Variants in RANBP2 observed in about 807,000 individuals in gnomAD.
The protein encoded by RANBP2 is E3 SUMO-protein ligase RanBP2.
A neutral mutation model predicts 303.6 loss-of-function variants in RANBP2; 57 were observed. The ratio of observed to expected loss-of-function variants is 0.19; its 90% CI spans 0.15 to 0.23. The LOEUF is 0.23. RANBP2 is among the 10% of genes least tolerant of loss of function. The probability of loss-of-function intolerance (pLI) is 1.00; values close to 1 mark genes in which losing one functional copy is unlikely to be tolerated. For synonymous variants in RANBP2, 1,167 were observed against 1,301.5 expected (o/e 0.90, Z 2.23); for missense variants, 3,138 against 3,780.8 (o/e 0.83, Z 4.46).
At chr2:109,614,783 G>C in the RANBP2 span, 1 of 1,477,052 alleles carries the variant, frequency 6.8e-7, no homozygotes, top group Admixed American at 2.3e-5. Flanking sequence ...CGCGAATCCA[G>C]GTGACCGCCG....
At chr2:109,346,198 C>T in the RANBP2 span, among the ~76,000 whole-genome samples, 12 of 151,696 alleles carry the variant, frequency 7.9e-5, no homozygotes, top group East Asian at 1.9e-4. Context: ...TTTTTCTCTT[C>T]GAGTTCTGCA....
At chr2:109,202,106 C>T in the RANBP2 span, among the ~76,000 whole-genome samples, 2 of 152,214 alleles carry the variant, frequency 1.3e-5, no homozygotes, top group African/African-American at 2.4e-5. Flanking sequence ...GAGGCGATCT[C>T]GGCCACTTTC....
At chr2:109,240,439 G>T in the RANBP2 span, among the ~76,000 whole-genome samples, 1 of 152,124 alleles carries the variant, frequency 6.6e-6, no homozygotes, top group Non-Finnish European at 1.5e-5. Context: ...AGTGAGCCAA[G>T]ATCGCACCTC....
the RANBP2 span, among the ~76,000 whole-genome samples, chr2:109,296,284 A>G: frequency 2.0e-5 from 3 of 151,954 alleles, no homozygotes; most frequent in Admixed American, 6.6e-5. Context: ...CTGGAGTGCA[A>G]TGGTGCTATC....
the RANBP2 span, among the ~76,000 whole-genome samples, chr2:109,624,818 C>A: frequency 6.6e-6 from 1 of 152,114 alleles, no homozygotes; most frequent in African/African-American, 2.4e-5. Flanking sequence ...TGGTGGCTCA[C>A]TCCTGTAATC....
At chr2:109,362,323 A>G in the RANBP2 span, among the ~76,000 whole-genome samples, 1,864 of 152,272 alleles carry the variant, frequency 0.012, 39 homozygotes, top group African/African-American at 0.037. Flanking sequence ...TCTAAGACCC[A>G]AGTGTTACTT....
chr2:109,568,650 G>A, the RANBP2 span, among the ~76,000 whole-genome samples: 12 of 139,034 alleles, frequency 8.6e-5, no homozygotes, highest in Admixed American at 7.8e-4. Flanking sequence ...AGTAAAATGT[G>A]ATAAAAGGTA....
chr2:109,516,048 C>T, the RANBP2 span, among the ~76,000 whole-genome samples: 1 of 152,182 alleles, frequency 6.6e-6, no homozygotes, highest in African/African-American at 2.4e-5. Context: ...TAATGCTTAG[C>T]ACTCAGCTCC....
chr2:109,275,729 A>G, the RANBP2 span, among the ~76,000 whole-genome samples: 1 of 152,054 alleles, frequency 6.6e-6, no homozygotes, highest in East Asian at 1.9e-4. Flanking sequence ...TTTGCCGGGT[A>G]CCCTTCCTCT....
At chr2:109,526,038 G>A in the RANBP2 span, among the ~76,000 whole-genome samples, 2 of 152,096 alleles carry the variant, frequency 1.3e-5, no homozygotes, top group Non-Finnish European at 2.9e-5. Context: ...CCGAGCACCA[G>A]AGCCACCACA....
At chr2:109,794,608 C>CGGCGGCCTCG in the RANBP2 span, 1 of 186,094 alleles carries the variant, frequency 5.4e-6, no homozygotes, top group Non-Finnish European at 6.2e-6. Flanking sequence ...GCGGCGGCGG[C>CGGCGGCCTCG]GGGGGGGGCG....
the RANBP2 span, among the ~76,000 whole-genome samples, chr2:109,159,750 C>T: frequency 6.6e-6 from 1 of 152,138 alleles, no homozygotes; most frequent in African/African-American, 2.4e-5. Flanking sequence ...TGATCAGATT[C>T]TCACAGGAGC....
At chr2:109,544,187 G>A in the RANBP2 span, 1 of 1,598,188 alleles carries the variant, frequency 6.3e-7, no homozygotes, top group South Asian at 1.1e-5. Flanking sequence ...ATCAGTAACT[G>A]TGGCTGTTCA....
At chr2:108,838,563 T>A in the RANBP2 span, among the ~76,000 whole-genome samples, 3 of 152,206 alleles carry the variant, frequency 2.0e-5, no homozygotes, top group Non-Finnish European at 2.9e-5. Flanking sequence ...CCTTAGAATA[T>A]GTCTTTATGG....
the RANBP2 span, among the ~76,000 whole-genome samples, chr2:109,632,782 G>A: frequency 2.0e-5 from 3 of 151,568 alleles, no homozygotes; most frequent in African/African-American, 4.8e-5. Flanking sequence ...TCACGCCACT[G>A]CACTCCAGCC....
the RANBP2 span, chr2:108,839,057 G>A: frequency 1.0e-6 from 1 of 1,003,958 alleles, no homozygotes; most frequent in East Asian, 2.7e-5. Flanking sequence ...TAAAGTGAAG[G>A]TTTTTTGTTG....
the RANBP2 span, among the ~76,000 whole-genome samples, chr2:108,862,936 T>G: frequency 7.1e-6 from 1 of 141,036 alleles, no homozygotes; most frequent in Non-Finnish European, 1.5e-5. Context: ...AAATTCTGTG[T>G]TTCAATTTGG....
the RANBP2 span, among the ~76,000 whole-genome samples, chr2:109,514,188 T>G: frequency 6.6e-6 from 1 of 152,220 alleles, no homozygotes; most frequent in African/African-American, 2.4e-5. Context: ...GGCCAGATTC[T>G]GAGCTTATGT....
chr2:109,476,067 T>A, the RANBP2 span, among the ~76,000 whole-genome samples: 3 of 152,348 alleles, frequency 2.0e-5, no homozygotes, highest in East Asian at 5.8e-4. Flanking sequence ...CTGTACGGTA[T>A]GCTTAGAAAC....
Sources: gnomAD v4.1 joint callset for allele counts (sites outside exome capture counted in the v4.1 genomes callset) on GRCh38, gnomAD v4.1.1 for gene constraint, MANE v1.5 for transcripts, NCBI Gene and HGNC (gene_info 2026-07-23, HGNC 2026-07-21) for gene names.